Variants in STK32B observed in about 807,000 individuals in gnomAD.
STK32B encodes the protein serine/threonine-protein kinase 32B.
STK32B carries 43 observed loss-of-function variants against 52.6 expected under a neutral mutation model. The ratio of observed to expected loss-of-function variants is 0.82; its 90% CI spans 0.64 to 1.05. The LOEUF (loss-of-function observed/expected upper bound fraction) is 1.05, where lower values mean the gene tolerates loss of function less well. Among genes scored for constraint, STK32B ranks in the 50% least tolerant of loss-of-function variants. The pLI is 0.00. For missense variants in STK32B, 621 were observed against 534.6 expected, an observed-to-expected ratio of 1.16 and a Z score of -1.59; for synonymous variants, 238 against 204.3, an observed-to-expected ratio of 1.17 and a Z score of -1.41.
At chr4:5,281,512 A>G (rs1019623591) in intron 3 of STK32B, among the ~76,000 whole-genome samples, 2 of 152,174 alleles carry the variant, frequency 1.3e-5, no homozygotes, top group Non-Finnish European at 2.9e-5. Context: ...ACCCTAGATT[A>G]CAGGTTGATG....
At chr4:5,478,752 G>C (rs1428482078) in intron 11 of STK32B, among the ~76,000 whole-genome samples, 1 of 152,124 alleles carries the variant, frequency 6.6e-6, no homozygotes, top group Non-Finnish European at 1.5e-5. Flanking sequence ...GTTACTCCCC[G>C]GAGGCTGGAG....
intron 3 of STK32B, among the ~76,000 whole-genome samples, chr4:5,275,538 C>A (rs1367583622): frequency 6.6e-6 from 1 of 151,982 alleles, no homozygotes; most frequent in Non-Finnish European, 1.5e-5. Flanking sequence ...TCTTCACCAT[C>A]CCCTTGAACC....
chr4:5,339,103 G>C (rs1383131745), intron 4 of STK32B, among the ~76,000 whole-genome samples: 1 of 152,120 alleles, frequency 6.6e-6, no homozygotes, highest in Non-Finnish European at 1.5e-5. Context: ...AGTCATCACT[G>C]CTCCAGGTTT....
intron 3 of STK32B, among the ~76,000 whole-genome samples, chr4:5,193,666 C>T (rs1260810285): frequency 6.6e-6 from 1 of 152,236 alleles, no homozygotes; most frequent in African/African-American, 2.4e-5. Flanking sequence ...TCAGAGGCTT[C>T]TTCACAAGTG....
intron 3 of STK32B, among the ~76,000 whole-genome samples, chr4:5,303,486 T>C (rs1445437395): frequency 2.0e-5 from 3 of 152,046 alleles, no homozygotes; most frequent in African/African-American, 7.2e-5. Context: ...ATTGTCTCTT[T>C]ATAATTGTCT....
intron 4 of STK32B, among the ~76,000 whole-genome samples, chr4:5,337,945 T>G (rs1732816199): frequency 6.6e-6 from 1 of 152,154 alleles, no homozygotes; most frequent in South Asian, 2.1e-4. Context: ...CGGCTAAATC[T>G]TTGTCTTCCC....
chr4:5,128,103 G>C (rs1442659865), intron 1 of STK32B, among the ~76,000 whole-genome samples: 2 of 152,140 alleles, frequency 1.3e-5, no homozygotes, highest in African/African-American at 4.8e-5. Context: ...GACTAATACA[G>C]CTGGCAACTC....
At chr4:5,047,430 A>G (rs539885470), upstream of STK32B, among the ~76,000 whole-genome samples, 5 of 152,290 alleles carry the variant, frequency 3.3e-5, no homozygotes, top group African/African-American at 1.2e-4. Context: ...ACAAACCGAC[A>G]CATTCTGCAC....
At position 5,299,806 on chromosome 4, in the gene STK32B, G is replaced by A. The variant is rs979116338; in HGVS notation, c.261-31414G>A. Among the ~76,000 whole-genome samples the A allele has an allele frequency of 1.1e-4, 17 of 152,060 alleles. 1 individual carries two copies. The highest frequency in any genetic ancestry group is 1.9e-4 in the Non-Finnish European group (13 of 67,996). ...ATTGGATCAGTAATTTTAAAAACCTGTCAACCAAAAAGAGCCCTGGACCAG... is the reference window on the plus strand; with the variant it reads ...ATTGGATCAGTAATTTTAAAAACCTATCAACCAAAAAGAGCCCTGGACCAG... On this transcript the variant is annotated intron_variant, in intron 3 of 11. Coordinates refer to ENST00000282908, the MANE Select transcript of STK32B (RefSeq NM_018401.3).
chr4:5,340,630 G>T (rs1048247227), intron 4 of STK32B, among the ~76,000 whole-genome samples: 1 of 152,156 alleles, frequency 6.6e-6, no homozygotes, highest in African/African-American at 2.4e-5. Flanking sequence ...TCCAAGGCAG[G>T]ATTCCTTGGC....
At chr4:5,416,771 T>G in intron 5 of STK32B, 74 bp from the exon 6 acceptor site, 2 of 1,330,432 alleles carry the variant, frequency 1.5e-6, no homozygotes, top group Non-Finnish European at 2.1e-6. Context: ...TATCTCACCT[T>G]GCAAACCACA....
At chr4:5,435,945 G>A (rs1309091507) in intron 6 of STK32B, 1 of 152,352 alleles carries the variant, frequency 6.6e-6, no homozygotes, top group Non-Finnish European at 1.5e-5. Flanking sequence ...TAGGTTCCTG[G>A]AGGACGAAAC....
At chr4:5,265,340 C>T (rs766965742) in intron 3 of STK32B, among the ~76,000 whole-genome samples, 1 of 152,184 alleles carries the variant, frequency 6.6e-6, no homozygotes, top group Non-Finnish European at 1.5e-5. Flanking sequence ...TCCTTTTAAC[C>T]TGCTGCATAC....
intron 2 of STK32B, among the ~76,000 whole-genome samples, chr4:5,163,037 G>T (rs536089752): frequency 1.3e-5 from 2 of 152,332 alleles, no homozygotes; most frequent in African/African-American, 2.4e-5. Context: ...TCTGGGCCAT[G>T]TGGGACATGA....
At chr4:5,297,004 CTG>C (rs1471781053) in intron 3 of STK32B, among the ~76,000 whole-genome samples, 3 of 152,144 alleles carry the variant, frequency 2.0e-5, no homozygotes, top group Non-Finnish European at 4.4e-5. Context: ...ATTTGCTTGT[CTG>C]TAAAGGATTT....
intron 3 of STK32B, among the ~76,000 whole-genome samples, chr4:5,311,877 G>A (rs1175323893): frequency 2.7e-5 from 4 of 150,676 alleles, no homozygotes; most frequent in African/African-American, 9.8e-5. Flanking sequence ...AGTTTCTTCT[G>A]GAAATGGAAG....
intron 1 of STK32B, among the ~76,000 whole-genome samples, chr4:5,105,822 C>T (rs1056364477): frequency 6.6e-6 from 1 of 151,958 alleles, no homozygotes; most frequent in Non-Finnish European, 1.5e-5. Context: ...CTCGGCCACC[C>T]AAAGTGCTGG....
At chr4:5,215,312 G>C (rs1171977378) in intron 3 of STK32B, among the ~76,000 whole-genome samples, 3 of 152,162 alleles carry the variant, frequency 2.0e-5, no homozygotes, top group Non-Finnish European at 4.4e-5. Flanking sequence ...ATGGTTGGTT[G>C]GGAGTTTAAA....
intron 9 of STK32B, among the ~76,000 whole-genome samples, chr4:5,465,721 G>A (rs1000803287): frequency 5.3e-5 from 8 of 152,116 alleles, no homozygotes; most frequent in African/African-American, 9.7e-5. Context: ...TCAGCATCAC[G>A]CAGGTAAAAG....
Sources: allele counts gnomAD v4.1 joint callset (sites outside exome capture counted in the v4.1 genomes callset), GRCh38; gene constraint gnomAD v4.1.1; transcripts MANE v1.5; gene names NCBI Gene and HGNC (gene_info 2026-07-23, HGNC 2026-07-21).